The following NOS1 variants were observed in gnomAD, a reference collection of about 807,000 sequenced individuals.
NOS1 encodes NOS type I.
In NOS1, 51 loss-of-function variants were observed where a neutral mutation model predicts 164.5. That is an observed-to-expected ratio of 0.31 (90% confidence interval 0.25 to 0.39). The LOEUF (loss-of-function observed/expected upper bound fraction) is 0.39, where lower values mean the gene tolerates loss of function less well. Among genes scored for constraint, NOS1 ranks in the 10% least tolerant of loss-of-function variants. The probability of loss-of-function intolerance (pLI) is 1.00; values close to 1 mark genes in which losing one functional copy is unlikely to be tolerated. For missense variants in NOS1, 1,362 were observed against 1,885.6 expected, an observed-to-expected ratio of 0.72 and a Z score of 5.14; for synonymous variants, 719 against 745.8, an observed-to-expected ratio of 0.96 and a Z score of 0.59.
Position 117,212,476 on chromosome 12 carries a change from T to C in NOS1, c.*2833A>G, listed in dbSNP as rs185893125. 4.1e-6 allele frequency: 4 copies of C among 985,354 alleles called. No homozygotes were observed. In the East Asian group the frequency reaches 4.5e-4, roughly 112 times the overall value. 61.0% of individuals were successfully genotyped at this position (985,354 alleles called of 1,614,324 possible). Reference sequence around the variant, plus strand: ...TCCTCCCAAGGAGTTTAACATCATCTCTCTGCTCTTTCACGACACAAGCTG... The same window carrying C: ...TCCTCCCAAGGAGTTTAACATCATCCCTCTGCTCTTTCACGACACAAGCTG... On this transcript the variant is annotated 3_prime_UTR_variant, in exon 29 of 29. Transcript: ENST00000317775.
At chr12:117,323,013 G>A (rs1317519656) in intron 2 of NOS1, among the ~76,000 whole-genome samples, 1 of 151,762 alleles carries the variant, frequency 6.6e-6, no homozygotes. Context: ...AACCAGCCTT[G>A]GATGAAGGAT....
At chr12:117,337,416 G>A (rs1054999288) in intron 1 of NOS1, among the ~76,000 whole-genome samples, 2 of 151,836 alleles carry the variant, frequency 1.3e-5, no homozygotes, top group African/African-American at 2.4e-5. Flanking sequence ...GTGCCCGGCC[G>A]CGCTTTTTAC....
At chr12:117,286,573 G>A (rs1264725019) in intron 5 of NOS1, among the ~76,000 whole-genome samples, 3 of 152,128 alleles carry the variant, frequency 2.0e-5, no homozygotes, top group Non-Finnish European at 4.4e-5. Flanking sequence ...CAGGAGTGGG[G>A]ACCCAGGACT....
chr12:117,358,352 G>A lies in NOS1; in HGVS notation c.-421+3160C>T, dbSNP rs528276463. On this transcript the variant is annotated intron_variant, in intron 1 of 28. Transcript: ENST00000317775. ...CCCCCGCCCTCTCACTCTTCTCCGT[G>A]CGGTCCTTCCCCAAGGAAGATGGAG... 2.0e-5 allele frequency among the ~76,000 whole-genome samples: 3 copies of A among 151,812 alleles called. No individual in the cohort carries two copies. The South Asian group carries it at 6.3e-4, about 32-fold the overall frequency.
At chr12:117,327,841 T>C (rs1277927110) in intron 2 of NOS1, among the ~76,000 whole-genome samples, 1 of 152,136 alleles carries the variant, frequency 6.6e-6, no homozygotes, top group African/African-American at 2.4e-5. Context: ...CCAGTGACCC[T>C]GGTTTCCCCT....
At chr12:117,329,392 G>C (rs1875414914) in intron 2 of NOS1, among the ~76,000 whole-genome samples, 1 of 152,058 alleles carries the variant, frequency 6.6e-6, no homozygotes, top group Admixed American at 6.5e-5. Context: ...GGACACTTTG[G>C]GGTTCTTGGG....
intron 3 of NOS1, among the ~76,000 whole-genome samples, chr12:117,304,121 G>A (rs1032418671): frequency 1.3e-5 from 2 of 151,890 alleles, no homozygotes; most frequent in Non-Finnish European, 2.9e-5. Flanking sequence ...GCAGTGAGCC[G>A]AGATCAGGCC....
chr12:117,216,857 A>G (rs1369366448), intron 28 of NOS1, among the ~76,000 whole-genome samples: 2 of 152,184 alleles, frequency 1.3e-5, no homozygotes, highest in South Asian at 2.1e-4. Flanking sequence ...AGTATGTTTT[A>G]GAGACTGCTG....
Position 117,213,235 on chromosome 12 carries a change from A to C in NOS1, c.*2074T>G, listed in dbSNP as rs1181659026. The C allele has an allele frequency of 4.1e-6, 4 of 985,336 alleles. No homozygotes were observed. The Admixed American group carries it at 1.8e-4, about 45-fold the overall frequency. 61.0% of individuals were successfully genotyped at this position (985,336 alleles called of 1,614,324 possible). On this transcript the variant is annotated 3_prime_UTR_variant, in exon 29 of 29. Transcript: ENST00000317775. ...GACACAACAGTTTCCTTCCCTGGGG[A>C]ATTGGGGAGGCGTCTCCAAAGCTAT...
chr12:117,353,665 C>T (rs1210222332), intron 1 of NOS1, among the ~76,000 whole-genome samples: 1 of 152,196 alleles, frequency 6.6e-6, no homozygotes, highest in African/African-American at 2.4e-5. Flanking sequence ...GTTTTAGCAT[C>T]ATGTAGGCTG....
chr12:117,218,686 C>T (rs1956650038), intron 27 of NOS1, among the ~76,000 whole-genome samples: 1 of 152,084 alleles, frequency 6.6e-6, no homozygotes, highest in African/African-American at 2.4e-5. Context: ...AGCATCTTTG[C>T]TCAACATTGC....
chr12:117,319,141 T>C (rs1874796297), intron 2 of NOS1, among the ~76,000 whole-genome samples: 2 of 152,190 alleles, frequency 1.3e-5, no homozygotes, highest in South Asian at 2.1e-4. Context: ...AGCCTCGAAC[T>C]TCTGGGCTCA....
In NOS1 at chr12:117,209,806, A is replaced by G. The variant is rs1262219527; in HGVS notation, c.*5503T>C. 1.0e-6 allele frequency: 1 copy of G among 985,384 alleles called. No individual in the cohort carries two copies. The highest frequency in any genetic ancestry group is 1.1e-4 in the East Asian group (1 of 8,826). The allele number at this position is 985,384 out of a possible 1,614,324, so 61.0% of individuals were successfully genotyped here. Reference sequence around the variant, plus strand: ...CCTTTGCCACAAGGCAGGGACTGGCAGTGGGCCAAGGATAGGGAGTGTGAG... The same window carrying G: ...CCTTTGCCACAAGGCAGGGACTGGCGGTGGGCCAAGGATAGGGAGTGTGAG... On this transcript the variant is annotated 3_prime_UTR_variant, in exon 29 of 29. Transcript: ENST00000317775.
At position 117,212,469 on chromosome 12, in the gene NOS1, C is replaced by T. The variant is rs934575844; in HGVS notation, c.*2840G>A. The T allele has an allele frequency of 6.1e-6, 6 of 985,438 alleles. No homozygotes were observed. Among genetic ancestry groups the T allele is most frequent in the Non-Finnish European group, 7.2e-6 (6 of 829,954 alleles). 61.0% of individuals were successfully genotyped at this position (985,438 alleles called of 1,614,324 possible). A position where few individuals can be genotyped will look rare whatever the true frequency, so the allele number is the denominator to read the frequency against. ...CCCTCTCTCCTCCCAAGGAGTTTAACATCATCTCTCTGCTCTTTCACGACA... is the reference window on the plus strand; with the variant it reads ...CCCTCTCTCCTCCCAAGGAGTTTAATATCATCTCTCTGCTCTTTCACGACA... On this transcript the variant is annotated 3_prime_UTR_variant, in exon 29 of 29. Transcript: ENST00000317775.
At chr12:117,316,543 A>G (rs549040) in intron 2 of NOS1, among the ~76,000 whole-genome samples, 56,322 of 152,128 alleles carry the variant, frequency 0.37, 10,779 homozygotes, top group Middle Eastern at 0.45. Flanking sequence ...GAGATCATGC[A>G]TGTAAAATGC....
intron 1 of NOS1, among the ~76,000 whole-genome samples, chr12:117,336,653 A>G (rs1160285399): frequency 2.0e-5 from 3 of 152,250 alleles, no homozygotes; most frequent in Non-Finnish European, 4.4e-5. Context: ...AAAAATTTAA[A>G]AAACAAAAAA....
chr12:117,305,790 C>CTTTT (rs1298358667), intron 3 of NOS1, among the ~76,000 whole-genome samples: 1 of 139,496 alleles, frequency 7.2e-6, no homozygotes, highest in Non-Finnish European at 1.6e-5. Context: ...AGGCCCGTGA[C>CTTTT]TTTTTTTTTT....
Position 117,242,626 on chromosome 12 carries a change from C to T in NOS1, c.3041+1G>A, listed in dbSNP as rs1189059252. 6.2e-7 allele frequency: 1 copy of T among 1,613,756 alleles called. No homozygotes were observed. The highest frequency in any genetic ancestry group is 8.5e-7 in the Non-Finnish European group (1 of 1,179,762). On this transcript the variant is annotated splice_donor_variant, in intron 20 of 28. Coordinates refer to ENST00000317775, the MANE Select transcript of NOS1 (RefSeq NM_000620.5). LOFTEE classifies it high-confidence loss of function. The stretch of plus-strand genomic sequence containing the variant: ...AACCCAGTGAACCAAGATGTTCCTA[C>T]CTGGATTTAGGGCTCTGGAGGTTTT...
Position 117,228,705 on chromosome 12 carries a change from G to A in NOS1, c.3406-1064C>T, listed in dbSNP as rs532214789. On this transcript the variant is annotated intron_variant, in intron 22 of 28. Transcript: ENST00000317775. ...CAGTTTCTGAGACCAGGGTGCGAGTGCACTGTGTAACAAAGATTTTCACCA... is the reference window on the plus strand; with the variant it reads ...CAGTTTCTGAGACCAGGGTGCGAGTACACTGTGTAACAAAGATTTTCACCA... Among the ~76,000 whole-genome samples, 10 of 152,284 alleles carry A rather than the reference G, an allele frequency of 6.6e-5. No individual in the cohort carries two copies. The South Asian group carries it at 1.9e-3, about 28-fold the overall frequency.
Sources: allele counts gnomAD v4.1 joint callset (sites outside exome capture counted in the v4.1 genomes callset), GRCh38; gene constraint gnomAD v4.1.1; transcripts MANE v1.5; gene names NCBI Gene and HGNC (gene_info 2026-07-23, HGNC 2026-07-21).